The following PPM1B variants were observed in gnomAD, a reference collection of about 807,000 sequenced individuals.
The protein encoded by PPM1B is protein phosphatase 1B.
In PPM1B, 22 loss-of-function variants were observed where a neutral mutation model predicts 43.0. The ratio of observed to expected loss-of-function variants is 0.51; its 90% confidence interval spans 0.37 to 0.73. The LOEUF is 0.73. Ranked by LOEUF, PPM1B falls within the 30% of genes least tolerant of loss-of-function variation. PPM1B has a pLI of 0.00. For missense variants in PPM1B, 632 were observed against 584.2 expected, an observed-to-expected ratio of 1.08 and a Z score of -0.84; for synonymous variants, 217 against 197.9, an observed-to-expected ratio of 1.10 and a Z score of -0.81.
In PPM1B at chr2:44,218,465, G is replaced by GTTTTT; in HGVS notation, c.1077-7_1077-3dup. On this transcript the variant is annotated splice_polypyrimidine_tract_variant and intron_variant, in intron 4 of 5. Transcript: ENST00000282412. ...GTGTAATTTAATAAAACTAAAGCATGTTTTTTTTTTTTAGGCGTAATGTTA... is the reference window on the plus strand; with the variant it reads ...GTGTAATTTAATAAAACTAAAGCATGTTTTTTTTTTTTTTTTTAGGCGTAATGTTA... The GTTTTT allele has an allele frequency of 8.3e-7, 1 of 1,201,700 alleles. No homozygotes were observed. 74.4% of individuals were successfully genotyped at this position (1,201,700 alleles called of 1,614,324 possible). A position where few individuals can be genotyped will look rare whatever the true frequency, so the allele number is the denominator to read the frequency against.
intron 1 of PPM1B, among the ~76,000 whole-genome samples, chr2:44,171,852 A>AAG (rs1667363965): frequency 7.1e-6 from 1 of 141,010 alleles, no homozygotes; most frequent in African/African-American, 2.6e-5. Context: ...AAAAAAAAAA[A>AAG]GCTGTATTTC....
At chr2:44,182,989 T>C (rs1667954075) in intron 1 of PPM1B, among the ~76,000 whole-genome samples, 1 of 152,236 alleles carries the variant, frequency 6.6e-6, no homozygotes, top group South Asian at 2.1e-4. Flanking sequence ...CCCCAGCAGT[T>C]GGGTCTTGCA....
intron 3 of PPM1B, among the ~76,000 whole-genome samples, chr2:44,210,425 G>T (rs755061157): frequency 6.6e-6 from 1 of 151,916 alleles, no homozygotes; most frequent in Non-Finnish European, 1.5e-5. Flanking sequence ...TCACTGTGTT[G>T]CCCAGGGTGG....
At chr2:44,187,515 A>C (rs895000248) in intron 1 of PPM1B, among the ~76,000 whole-genome samples, 1 of 152,076 alleles carries the variant, frequency 6.6e-6, no homozygotes, top group Non-Finnish European at 1.5e-5. Flanking sequence ...AAAGCTTTTA[A>C]GTTTCTTTTA....
At position 44,209,232 on chromosome 2, in the gene PPM1B, T is replaced by A. The variant is rs771628985; in HGVS notation, c.869T>A (p.Ile290Asn). Residue 290 changes from isoleucine (I) to asparagine (N), a missense_variant, in exon 3 of 6, where the codon ATT becomes AAT. Transcript: ENST00000282412. ...LHKGSRDNMS[I>N]VLVCFSNAPK... ...CAGGGAAGTCGAGATAACATGAGTA[T>A]TGTACTAGTTTGCTTTTCAAATGCT... 1 of 1,610,976 alleles carries A rather than the reference T, an allele frequency of 6.2e-7. No individual in the cohort carries two copies. Among genetic ancestry groups the A allele is most frequent in the African/African-American group, 1.3e-5 (1 of 74,810 alleles).
At chr2:44,226,971 T>A (rs867950473) in intron 5 of PPM1B, among the ~76,000 whole-genome samples, 8 of 142,610 alleles carry the variant, frequency 5.6e-5, no homozygotes, top group South Asian at 4.3e-4. Flanking sequence ...TTTATTTATT[T>A]ATGAATGAAT....
rs113872178 is a variant in PPM1B at position 44,213,921 on chromosome 2, A to C, written c.965-4046A>C. On this transcript the variant is annotated intron_variant, in intron 3 of 5. Transcript: ENST00000282412. ...ATCAGAAGGTGGGAGGAATTCTCTT[A>C]GTTTCCTTCTTCCTCATTCATAAAG... Among the ~76,000 whole-genome samples the C allele has an allele frequency of 4.4e-3, 670 of 152,264 alleles. 1 individual carries two copies. Among genetic ancestry groups the C allele is most frequent in the African/African-American group, 0.014 (573 of 41,548 alleles).
In PPM1B at chr2:44,201,472, A is replaced by T; in HGVS notation, c.273A>T (p.Ser91=). ...TNEDFRAAGK[S]GSALELSVEN... is the part of the protein sequence containing the mutation. Reference sequence around the variant, plus strand: ...AAGACTTTAGGGCAGCTGGAAAATCAGGATCTGCTCTTGAGCTTTCAGTGG... The same window carrying T: ...AAGACTTTAGGGCAGCTGGAAAATCTGGATCTGCTCTTGAGCTTTCAGTGG... The change falls in exon 2 of 6, where the codon TCA becomes TCT. Residue 91 remains serine, a synonymous_variant. Transcript: ENST00000282412. The surrounding 1 kb of genome is among the most constrained non-coding windows in gnomAD (Gnocchi z 5.4). 2 of 1,614,248 alleles carry T rather than the reference A, an allele frequency of 1.2e-6. No individual in the cohort carries two copies. Among genetic ancestry groups the T allele is most frequent in the Non-Finnish European group, 1.7e-6 (2 of 1,180,030 alleles).
chr2:44,205,659 G>C (rs1669157310), intron 2 of PPM1B, among the ~76,000 whole-genome samples: 1 of 151,874 alleles, frequency 6.6e-6, no homozygotes, highest in Admixed American at 6.6e-5. Context: ...TGCTATGTTT[G>C]TTACTTTGTC....
At chr2:44,220,299 G>T (rs1669919635) in intron 5 of PPM1B, among the ~76,000 whole-genome samples, 1 of 150,408 alleles carries the variant, frequency 6.6e-6, no homozygotes, top group African/African-American at 2.5e-5. Context: ...TGGATTTTGG[G>T]GTCCTTCATA....
chr2:44,170,969 T>G (rs559987139), intron 1 of PPM1B, among the ~76,000 whole-genome samples: 3 of 152,360 alleles, frequency 2.0e-5, no homozygotes, highest in African/African-American at 2.4e-5. Context: ...TCTTAATGGT[T>G]GTTGTGTTTT....
At chr2:44,212,261 C>T (rs1366085503) in intron 3 of PPM1B, among the ~76,000 whole-genome samples, 1 of 152,126 alleles carries the variant, frequency 6.6e-6, no homozygotes, top group Non-Finnish European at 1.5e-5. Flanking sequence ...ATAGTTTTCT[C>T]CCTTTTCATA....
At chr2:44,240,360 A>T (rs1670719206) in intron 5 of PPM1B, among the ~76,000 whole-genome samples, 1 of 144,084 alleles carries the variant, frequency 6.9e-6, no homozygotes, top group Non-Finnish European at 1.5e-5. Flanking sequence ...TTAACCTATC[A>T]CTCCCTTTCC....
At chr2:44,227,679 CT>C (rs1430208476) in intron 5 of PPM1B, among the ~76,000 whole-genome samples, 1 of 151,684 alleles carries the variant, frequency 6.6e-6, no homozygotes, top group African/African-American at 2.4e-5. Flanking sequence ...CACACCATAC[CT>C]GGCTAATTTT....
intron 2 of PPM1B, among the ~76,000 whole-genome samples, chr2:44,202,448 T>C (rs192503467): frequency 6.6e-6 from 1 of 152,224 alleles, no homozygotes; most frequent in East Asian, 1.9e-4. Context: ...TATTGGAAGA[T>C]GTACTAGATG....
rs189247648 is a variant in PPM1B, at chr2:44,199,149, C to T, written c.-14-2037C>T. Among the ~76,000 whole-genome samples, 570 of 150,296 alleles carry T rather than the reference C, an allele frequency of 3.8e-3. 3 individuals carry two copies. The highest frequency in any genetic ancestry group is 0.013 in the African/African-American group (550 of 40,916). On this transcript the variant is annotated intron_variant, in intron 1 of 5. Coordinates refer to ENST00000282412, the MANE Select transcript of PPM1B (RefSeq NM_002706.6). ...GGCGCGTGCCTGTAACCCCAGCTAC[C>T]CGGGAGGCTGAGGCAGGAGAGTGGT...
intron 1 of PPM1B, among the ~76,000 whole-genome samples, chr2:44,189,780 A>G (rs1266984950): frequency 6.6e-6 from 1 of 152,006 alleles, no homozygotes; most frequent in Non-Finnish European, 1.5e-5. Context: ...TTTTTTATTA[A>G]TCACTGCTTC....
chr2:44,245,306 C>G (rs1670835882), downstream of PPM1B, among the ~76,000 whole-genome samples: 2 of 147,884 alleles, frequency 1.4e-5, no homozygotes, highest in South Asian at 4.5e-4. Flanking sequence ...AATCTCAAAG[C>G]TGAGAAAACC....
downstream of PPM1B, among the ~76,000 whole-genome samples, chr2:44,237,278 A>T (rs200225681): frequency 6.6e-6 from 1 of 152,098 alleles, no homozygotes; most frequent in East Asian, 1.9e-4. Context: ...TGTTGTTTTG[A>T]TGATTCGTGT....
Sources: allele counts gnomAD v4.1 joint callset (sites outside exome capture counted in the v4.1 genomes callset), GRCh38; gene constraint gnomAD v4.1.1; non-coding constraint Gnocchi (gnomAD v3.1); transcripts MANE v1.5; gene names NCBI Gene and HGNC (gene_info 2026-07-23, HGNC 2026-07-21).